The following ADGRB3 variants were observed in gnomAD, a reference collection of about 807,000 sequenced individuals.
ADGRB3 encodes the protein brain-specific angiogenesis inhibitor 3.
In ADGRB3, 37 loss-of-function variants were observed where a neutral mutation model predicts 193.4. The ratio of observed to expected loss-of-function variants is 0.19; its 90% CI spans 0.15 to 0.25. The LOEUF is 0.25. ADGRB3 is among the 10% of genes least tolerant of loss of function. ADGRB3 has a pLI of 1.00. For synonymous variants in ADGRB3, 690 were observed against 644.2 expected (o/e 1.07, Z -1.08); for missense variants, 1,637 against 1,852.9 (o/e 0.88, Z 2.14).
At chr6:68,794,913 C>A (rs1368972707) in intron 3 of ADGRB3, among the ~76,000 whole-genome samples, 5 of 152,192 alleles carry the variant, frequency 3.3e-5, no homozygotes, top group Admixed American at 3.3e-4. Flanking sequence ...TTTCCTCCTG[C>A]AATCTGCATA....
chr6:69,170,395 T>C (rs535985932), intron 17 of ADGRB3, among the ~76,000 whole-genome samples: 1 of 152,156 alleles, frequency 6.6e-6, no homozygotes, highest in Non-Finnish European at 1.5e-5. Flanking sequence ...TTCAAAGCTT[T>C]CTTGGCCCTT....
intron 3 of ADGRB3, among the ~76,000 whole-genome samples, chr6:68,812,975 T>C (rs936319976): frequency 1.3e-5 from 2 of 152,120 alleles, no homozygotes; most frequent in Admixed American, 1.3e-4. Flanking sequence ...GTTTGAACTT[T>C]AGGAATTTTA....
intron 3 of ADGRB3, among the ~76,000 whole-genome samples, chr6:68,672,755 A>AT (rs983828757): frequency 6.6e-6 from 1 of 152,026 alleles, no homozygotes; most frequent in African/African-American, 2.4e-5. Context: ...CTGGGAAGGT[A>AT]TTTTTTTAAA....
rs145763664 is a variant in ADGRB3 at position 69,020,117 on chromosome 6, A to G, written c.2107+1618A>G. ...GATTGGACAATTGGTAAAGTAATTT[A>G]TGAGTTAAAATGAGATAGAAAAACA... On this transcript the variant is annotated intron_variant, in intron 13 of 31. Transcript: ENST00000370598. Among the ~76,000 whole-genome samples, 480 of 152,170 alleles carry G rather than the reference A, an allele frequency of 3.2e-3. 1 individual carries two copies. The highest frequency in any genetic ancestry group is 0.011 in the African/African-American group (445 of 41,540).
chr6:69,219,267 T>A (rs1412168537), intron 17 of ADGRB3, among the ~76,000 whole-genome samples: 1 of 151,650 alleles, frequency 6.6e-6, no homozygotes, highest in Non-Finnish European at 1.5e-5. Context: ...TCCTAGATAG[T>A]TGGCTACAAA....
At chr6:69,247,792 G>A (rs1220605592) in intron 20 of ADGRB3, among the ~76,000 whole-genome samples, 3 of 152,064 alleles carry the variant, frequency 2.0e-5, no homozygotes, top group African/African-American at 7.2e-5. Flanking sequence ...ATGAATGAAT[G>A]AACTTATGGC....
intron 20 of ADGRB3, among the ~76,000 whole-genome samples, chr6:69,274,696 A>T (rs572825374): frequency 8.8e-5 from 13 of 147,140 alleles, no homozygotes; most frequent in Non-Finnish European, 1.5e-4. Context: ...ATTCCAGTGA[A>T]AACAGAAAGT....
chr6:69,153,873 G>T (rs761862621), intron 17 of ADGRB3, among the ~76,000 whole-genome samples: 4 of 151,952 alleles, frequency 2.6e-5, no homozygotes, highest in Non-Finnish European at 5.9e-5. Flanking sequence ...TGTGCCTGTA[G>T]TCCCAGCTAC....
chr6:68,896,513 GTTC>G (rs1771767019), intron 3 of ADGRB3, among the ~76,000 whole-genome samples: 2 of 152,076 alleles, frequency 1.3e-5, no homozygotes, highest in South Asian at 4.1e-4. Flanking sequence ...TAAAAATCCA[GTTC>G]TTCTCTTTTT....
intron 10 of ADGRB3, among the ~76,000 whole-genome samples, chr6:68,988,520 T>A (rs1311096166): frequency 6.6e-6 from 1 of 152,064 alleles, no homozygotes; most frequent in African/African-American, 2.4e-5. Flanking sequence ...CCATTATAGA[T>A]CATAATGACT....
At chr6:69,352,726 T>G (rs1769253438) in intron 26 of ADGRB3, among the ~76,000 whole-genome samples, 2 of 152,142 alleles carry the variant, frequency 1.3e-5, no homozygotes, top group South Asian at 4.1e-4. Flanking sequence ...ATGAAATGAG[T>G]GAGAGGACAA....
At chr6:68,882,871 A>T (rs1765770372) in intron 3 of ADGRB3, among the ~76,000 whole-genome samples, 1 of 151,278 alleles carries the variant, frequency 6.6e-6, no homozygotes, top group Admixed American at 6.6e-5. Flanking sequence ...ATTTACTACC[A>T]CTTCTATTAC....
intron 3 of ADGRB3, among the ~76,000 whole-genome samples, chr6:68,647,864 G>A (rs1276351920): frequency 2.0e-5 from 3 of 152,060 alleles, no homozygotes; most frequent in Non-Finnish European, 4.4e-5. Context: ...GACTTAGCTG[G>A]AATTTCATTC....
chr6:69,197,039 C>G (rs1205410469), intron 17 of ADGRB3, among the ~76,000 whole-genome samples: 1 of 152,060 alleles, frequency 6.6e-6, no homozygotes, highest in African/African-American at 2.4e-5. Context: ...GCACTTTACC[C>G]TTTGCCAACT....
intron 3 of ADGRB3, among the ~76,000 whole-genome samples, chr6:68,890,702 A>T (rs1766050031): frequency 6.6e-6 from 1 of 152,200 alleles, no homozygotes; most frequent in Admixed American, 6.5e-5. Context: ...ACAAATACAT[A>T]AAAGGAAGAG....
At chr6:68,753,089 C>A (rs1365522610) in intron 3 of ADGRB3, among the ~76,000 whole-genome samples, 1 of 152,090 alleles carries the variant, frequency 6.6e-6, no homozygotes, top group Non-Finnish European at 1.5e-5. Context: ...CCATCAAAAA[C>A]AAGAAGAGCT....
chr6:69,339,018 A>G lies in ADGRB3; in HGVS notation c.3287+4A>G. On this transcript the variant is annotated splice_donor_region_variant and intron_variant, in intron 25 of 31. Transcript: ENST00000370598. ...CCACCACCGCCAGTAACGCCATGTTAGTCCCAATCATTTACATCTTCTTGT... is the reference window on the plus strand; with the variant it reads ...CCACCACCGCCAGTAACGCCATGTTGGTCCCAATCATTTACATCTTCTTGT... 1 of 1,613,428 alleles carries G rather than the reference A, an allele frequency of 6.2e-7. No individual in the cohort carries two copies. The highest frequency in any genetic ancestry group is 8.5e-7 in the Non-Finnish European group (1 of 1,179,496).
chr6:69,233,107 C>A, intron 17 of ADGRB3, 183 bp from the exon 18 acceptor site: 3 of 865,356 alleles, frequency 3.5e-6, no homozygotes, highest in Non-Finnish European at 5.2e-6. Context: ...CTTTTTCCCA[C>A]TCTCGCTTTG....
At chr6:68,809,399 A>G (rs1767468449) in intron 3 of ADGRB3, among the ~76,000 whole-genome samples, 1 of 152,250 alleles carries the variant, frequency 6.6e-6, no homozygotes, top group African/African-American at 2.4e-5. Context: ...CATATTTACT[A>G]TAAATCTATC....
Sources: allele counts gnomAD v4.1 joint callset (sites outside exome capture counted in the v4.1 genomes callset), GRCh38; gene constraint gnomAD v4.1.1; transcripts MANE v1.5; gene names NCBI Gene and HGNC (gene_info 2026-07-23, HGNC 2026-07-21).